RIMBP2: variants seen among roughly 807,000 people sequenced by gnomAD.
RIMBP2 encodes the protein RIMS binding protein 2.
In RIMBP2, 48 loss-of-function variants were observed where a neutral mutation model predicts 118.6. That is an observed-to-expected ratio of 0.40 (90% CI 0.32 to 0.51). The LOEUF (loss-of-function observed/expected upper bound fraction) is 0.51, where lower values mean the gene tolerates loss of function less well. RIMBP2 is among the 20% of genes least tolerant of loss of function. The pLI is 0.41. For missense variants in RIMBP2, 1,551 were observed against 1,768.3 expected (o/e 0.88, Z 2.20); for synonymous variants, 762 against 742.9 (o/e 1.03, Z -0.42).
Position 130,437,042 on chromosome 12 carries a change from C to A in RIMBP2, c.1906G>T (p.Ala636Ser). The A allele has an allele frequency of 6.3e-7, 1 of 1,578,522 alleles. No individual in the cohort carries two copies. Among genetic ancestry groups the A allele is most frequent in the South Asian group, 1.2e-5 (1 of 86,042 alleles). ...TGCTCCCAGGCCTCATCCATCCTGG[C>A]GTGGGGACCCAGGTGCTCGTCTTTG... ...ETKDEHLGPH[A>S]RMDEAWEQSR... Residue 636 changes from alanine (A) to serine (S), a missense_variant, in exon 13 of 23, where the codon GCC becomes TCC. Coordinates refer to ENST00000690449, the MANE Select transcript of RIMBP2 (RefSeq NM_001393629.1).
At chr12:130,556,460 C>T (rs11060998) in intron 2 of RIMBP2, among the ~76,000 whole-genome samples, 17,917 of 152,246 alleles carry the variant, frequency 0.12, 1,338 homozygotes, top group Non-Finnish European at 0.18. Flanking sequence ...ATAGAACCTC[C>T]AGCTGGGATT....
intron 1 of RIMBP2, among the ~76,000 whole-genome samples, chr12:130,651,143 A>G (rs750329043): frequency 1.3e-5 from 2 of 152,054 alleles, no homozygotes; most frequent in Non-Finnish European, 2.9e-5. Context: ...CTCCAAGCAA[A>G]GCTTCTCAGG....
intron 2 of RIMBP2, among the ~76,000 whole-genome samples, chr12:130,610,740 T>C (rs2060488055): frequency 6.6e-6 from 1 of 151,570 alleles, no homozygotes; most frequent in Admixed American, 6.6e-5. Flanking sequence ...TTTTGTATTT[T>C]TAGTAGAGAC....
intron 2 of RIMBP2, among the ~76,000 whole-genome samples, chr12:130,610,624 G>A (rs1418273327): frequency 3.6e-5 from 5 of 138,818 alleles, no homozygotes; most frequent in Admixed American, 2.3e-4. Flanking sequence ...GCAGTGGCGC[G>A]ATCTCGGCTC....
chr12:130,490,098 T>C (rs1386161932), intron 4 of RIMBP2, among the ~76,000 whole-genome samples: 1 of 132,664 alleles, frequency 7.5e-6, no homozygotes, highest in Non-Finnish European at 1.5e-5. Context: ...CACTCCAGCC[T>C]GGGTGACAGA....
intron 6 of RIMBP2, among the ~76,000 whole-genome samples, chr12:130,460,929 T>A (rs1461658076): frequency 1.3e-5 from 2 of 152,130 alleles, no homozygotes; most frequent in Non-Finnish European, 2.9e-5. Flanking sequence ...TGCCCTCCTG[T>A]GACACAAAGT....
chr12:130,428,210 C>A lies in RIMBP2; in HGVS notation c.2381G>T (p.Arg794Leu), dbSNP rs760979945. The A allele has an allele frequency of 1.2e-6, 2 of 1,612,756 alleles. No homozygotes were observed. The highest frequency in any genetic ancestry group is 3.3e-5 in the Admixed American group (2 of 59,810). The change falls in exon 15 of 23, where the codon CGG becomes CTG. Residue 794 changes from arginine (R) to leucine (L), a missense_variant. Around this residue, in one of 5 missense-constraint regions of RIMBP2, gnomAD observed 1,038 missense variants for 1,125.1 expected, o/e 0.92. Transcript: ENST00000690449. ...EMQLEDGGRR[R>L]PSGTSHNALK... Reference sequence around the variant, plus strand: ...GGCATTGTGGGACGTGCCGCTGGGCCGCCTCCTTCCCCCATCTTCCAGCTG... The same window carrying A: ...GGCATTGTGGGACGTGCCGCTGGGCAGCCTCCTTCCCCCATCTTCCAGCTG...
At chr12:130,654,368 C>G (rs755073824) in intron 1 of RIMBP2, among the ~76,000 whole-genome samples, 2 of 152,336 alleles carry the variant, frequency 1.3e-5, no homozygotes, top group East Asian at 3.9e-4. Flanking sequence ...GACACAGATA[C>G]AATGCAGCCA....
At chr12:130,601,990 TTTTC>T (rs1192177275) in intron 2 of RIMBP2, among the ~76,000 whole-genome samples, 1 of 152,148 alleles carries the variant, frequency 6.6e-6, no homozygotes, top group Non-Finnish European at 1.5e-5. Flanking sequence ...CTCCAGAGAT[TTTTC>T]TTTCTTTCTT....
Position 130,450,270 on chromosome 12 carries a change from T to G in RIMBP2, c.511A>C (p.Asn171His). The G allele has an allele frequency of 6.2e-7, 1 of 1,605,844 alleles. No homozygotes were observed. The highest frequency in any genetic ancestry group is 8.5e-7 in the Non-Finnish European group (1 of 1,175,474). The change falls in exon 9 of 23, where the codon AAT becomes CAT. Residue 171 changes from asparagine (N) to histidine (H), a missense_variant. By Grantham distance (68) the Asn-to-His change is moderately conservative. This residue lies in a region of RIMBP2 where 239 missense variants were observed against 256.8 expected (regional missense o/e 0.93). Transcript: ENST00000690449. The surrounding 1 kb of genome is among the most constrained non-coding windows in gnomAD (Gnocchi z 4.8). ...TTGGAGGTATTGGAATTCCGTTCAT[T>G]CTCCATCTGTGAAAAAGGCAATGGG... ...ARCRSESDME[N>H]ERNSNTSKQR...
At chr12:130,562,641 C>T (rs2056907248) in intron 2 of RIMBP2, among the ~76,000 whole-genome samples, 1 of 152,220 alleles carries the variant, frequency 6.6e-6, no homozygotes, top group African/African-American at 2.4e-5. Context: ...ATCCCCTATC[C>T]AGGACCAACC....
intron 1 of RIMBP2, chr12:130,669,155 C>T (rs1311925900): frequency 6.6e-6 from 1 of 152,396 alleles, no homozygotes; most frequent in Non-Finnish European, 1.5e-5. Flanking sequence ...AACCAGGGCA[C>T]AGGGGTGAGA....
chr12:130,459,942 A>G (rs1381420764), intron 6 of RIMBP2, among the ~76,000 whole-genome samples: 1 of 152,128 alleles, frequency 6.6e-6, no homozygotes, highest in Non-Finnish European at 1.5e-5. Context: ...TCCATCCTCA[A>G]CCGTTAGTTC....
rs1363265062 is a variant in RIMBP2, at chr12:130,623,257, TTTTAC to T, written c.-217+5060_-217+5064del. On this transcript the variant is annotated intron_variant, in intron 2 of 22. Transcript: ENST00000690449. This position sits in a 1 kb window ranked among gnomAD's most constrained non-coding sequence, Gnocchi z 4.1. Reference sequence around the variant, plus strand: ...ACTTATACAAATAGAAGCACTTTTATTTTACTTTAAGTTCTTGGCTACATGTGCAG... The same window carrying T: ...ACTTATACAAATAGAAGCACTTTTATTTTAAGTTCTTGGCTACATGTGCAG... Among the ~76,000 whole-genome samples the T allele has an allele frequency of 3.9e-5, 6 of 152,206 alleles. No homozygotes were observed. The highest frequency in any genetic ancestry group is 3.9e-4 in the Admixed American group (6 of 15,288).
intron 1 of RIMBP2, among the ~76,000 whole-genome samples, chr12:130,700,672 C>A (rs1277836581): frequency 6.6e-6 from 1 of 152,238 alleles, no homozygotes; most frequent in Non-Finnish European, 1.5e-5. Flanking sequence ...CACAGCCCTG[C>A]CAGCGCCTGG....
intron 2 of RIMBP2, among the ~76,000 whole-genome samples, chr12:130,584,404 TCAC>T (rs2058717673): frequency 8.3e-6 from 1 of 120,420 alleles, no homozygotes; most frequent in African/African-American, 3.3e-5. Context: ...CTCATCGCCA[TCAC>T]CACCATCACA....
At chr12:130,552,254 C>T (rs532798553) in intron 2 of RIMBP2, among the ~76,000 whole-genome samples, 4 of 152,172 alleles carry the variant, frequency 2.6e-5, no homozygotes, top group African/African-American at 7.2e-5. Context: ...GGTAGAGGGC[C>T]GTGGGCAGTG....
chr12:130,450,380 G>T lies in RIMBP2; in HGVS notation c.505-104C>A. ...CCTCGCAGCTTCCTGGGCCCCAGGA[G>T]GGACGGCCTGAGACTGTGGCACTCC... On this transcript the variant is annotated intron_variant, in intron 8 of 22. Coordinates refer to ENST00000690449, the MANE Select transcript of RIMBP2 (RefSeq NM_001393629.1). This position sits in a 1 kb window ranked among gnomAD's most constrained non-coding sequence, Gnocchi z 4.8. 1 of 821,448 alleles carries T rather than the reference G, an allele frequency of 1.2e-6. No individual in the cohort carries two copies. 50.9% of individuals were successfully genotyped at this position (821,448 alleles called of 1,614,324 possible). A position where few individuals can be genotyped will look rare whatever the true frequency, so the allele number is the denominator to read the frequency against.
chr12:130,563,938 C>A (rs1489433856), intron 2 of RIMBP2, among the ~76,000 whole-genome samples: 4 of 146,898 alleles, frequency 2.7e-5, no homozygotes, highest in African/African-American at 1.0e-4. Flanking sequence ...CATAACCTGG[C>A]TTCCCAGCCT....
Sources: gnomAD v4.1 joint callset for allele counts (sites outside exome capture counted in the v4.1 genomes callset) on GRCh38, gnomAD v4.1.1 for gene constraint, gnomAD v4.1.1 regional missense constraint, Gnocchi (gnomAD v3.1) non-coding constraint, MANE v1.5 for transcripts, NCBI Gene and HGNC (gene_info 2026-07-23, HGNC 2026-07-21) for gene names.